The following MMP16 variants were observed in gnomAD, a reference collection of about 807,000 sequenced individuals.
The protein encoded by MMP16 is matrix metallopeptidase 16, also known as matrix metalloproteinase-16.
A neutral mutation model predicts 67.8 loss-of-function variants in MMP16; 12 were observed. The observed-to-expected ratio is 0.18, with a 90% confidence interval of 0.11 to 0.29. The LOEUF (loss-of-function observed/expected upper bound fraction) is 0.29, where lower values mean the gene tolerates loss of function less well. MMP16 is among the 10% of genes least tolerant of loss of function. MMP16 has a pLI of 1.00. For synonymous variants in MMP16, 249 were observed against 255.9 expected (o/e 0.97, Z 0.26); for missense variants, 475 against 765.7 (o/e 0.62, Z 4.48).
chr8:88,204,130 T>C (rs1809388831), intron 1 of MMP16, among the ~76,000 whole-genome samples: 2 of 152,200 alleles, frequency 1.3e-5, no homozygotes, highest in African/African-American at 4.8e-5. Context: ...GAATTTTCCA[T>C]CTGTAAAATA....
chr8:88,168,457 G>A (rs569760531), intron 3 of MMP16, among the ~76,000 whole-genome samples: 4 of 152,030 alleles, frequency 2.6e-5, no homozygotes, highest in Non-Finnish European at 5.9e-5. Context: ...AATTTGTAAC[G>A]AAATGATCAA....
chr8:88,214,925 C>G (rs1586208674), intron 1 of MMP16, among the ~76,000 whole-genome samples: 1 of 152,156 alleles, frequency 6.6e-6, no homozygotes, highest in East Asian at 1.9e-4. Context: ...AATAAGTGAG[C>G]CTCCTTCAGT....
At chr8:88,168,796 T>C (rs576615356) in intron 3 of MMP16, among the ~76,000 whole-genome samples, 1 of 152,276 alleles carries the variant, frequency 6.6e-6, no homozygotes, top group Non-Finnish European at 1.5e-5. Flanking sequence ...GTAAATTTCA[T>C]AGGAGTCATA....
At chr8:88,105,792 C>A (rs913172965) in intron 6 of MMP16, among the ~76,000 whole-genome samples, 1 of 151,164 alleles carries the variant, frequency 6.6e-6, no homozygotes, top group Admixed American at 6.6e-5. Context: ...ACAGATGCAT[C>A]ATTAAATCTC....
chr8:88,323,757 A>C (rs1021528555), intron 1 of MMP16, among the ~76,000 whole-genome samples: 10 of 151,600 alleles, frequency 6.6e-5, no homozygotes, highest in African/African-American at 2.4e-4. Context: ...TCTGTCTCAA[A>C]TTTCATAACA....
At chr8:88,185,541 C>T (rs946592110) in intron 3 of MMP16, among the ~76,000 whole-genome samples, 1 of 152,088 alleles carries the variant, frequency 6.6e-6, no homozygotes, top group Non-Finnish European at 1.5e-5. Context: ...TTCATTTTAT[C>T]TTTAATCATA....
At chr8:88,092,907 C>A (rs879300344) in intron 6 of MMP16, among the ~76,000 whole-genome samples, 1 of 151,730 alleles carries the variant, frequency 6.6e-6, no homozygotes, top group Non-Finnish European at 1.5e-5. Context: ...GTATCTGTAA[C>A]CCACTCAATT....
chr8:88,078,268 A>C (rs1335576379), intron 6 of MMP16, among the ~76,000 whole-genome samples: 1 of 152,180 alleles, frequency 6.6e-6, no homozygotes, highest in Admixed American at 6.5e-5. Flanking sequence ...TTAAACACCA[A>C]TATTTCACTT....
At chr8:88,042,965 A>G (rs887568862) in intron 9 of MMP16, among the ~76,000 whole-genome samples, 1 of 152,238 alleles carries the variant, frequency 6.6e-6, no homozygotes, top group African/African-American at 2.4e-5. Flanking sequence ...ACTTAAAACT[A>G]TATTTTGGGA....
chr8:88,041,590 T>C lies in MMP16; in HGVS notation c.1695A>G (p.Ile565Met). Reference protein sequence around the residue: ...LDNTASTVKAIAIVIPCILAL... With the variant: ...LDNTASTVKAMAIVIPCILAL... ...CCAAGATGCAGGGAATGACAATAGC[T>C]ATGGCTTTCACAGTGCTGGCTGTGT... The change falls in exon 10 of 10, where the codon ATA becomes ATG. Residue 565 changes from isoleucine to methionine, a missense_variant. Physicochemically the swap from Ile to Met is conservative, Grantham distance 10. This residue lies in a region of MMP16 where 80 missense variants were observed against 93.4 expected (regional missense o/e 0.86). Transcript: ENST00000286614. The surrounding 1 kb of genome is among the most constrained non-coding windows in gnomAD (Gnocchi z 6.0). 1 of 1,614,160 alleles carries C rather than the reference T, an allele frequency of 6.2e-7. No individual in the cohort carries two copies.
intron 8 of MMP16, among the ~76,000 whole-genome samples, chr8:88,050,238 G>A (rs1376975289): frequency 1.3e-5 from 2 of 151,750 alleles, no homozygotes; most frequent in African/African-American, 2.4e-5. Context: ...CAGGAGAATC[G>A]CTTGAACCCA....
intron 4 of MMP16, among the ~76,000 whole-genome samples, chr8:88,163,927 T>C (rs1808671657): frequency 6.6e-6 from 1 of 152,128 alleles, no homozygotes; most frequent in Admixed American, 6.6e-5. Flanking sequence ...TTATTTGTAT[T>C]AGGGTTGTGT....
chr8:88,061,643 A>G (rs1808401715), intron 7 of MMP16, among the ~76,000 whole-genome samples: 1 of 152,094 alleles, frequency 6.6e-6, no homozygotes, highest in Admixed American at 6.6e-5. Flanking sequence ...ACAGAAGCTT[A>G]GTTTATATGT....
At chr8:88,165,199 A>G (rs1478546706) in intron 4 of MMP16, among the ~76,000 whole-genome samples, 2 of 134,608 alleles carry the variant, frequency 1.5e-5, no homozygotes, top group South Asian at 2.4e-4. Flanking sequence ...AAAAAAAAAA[A>G]GAAAGAAAGA....
rs760479203 is a variant in MMP16 at position 88,056,112 on chromosome 8, AG to A, written c.1373+15del. 1 of 1,454,778 alleles carries A rather than the reference AG, an allele frequency of 6.9e-7. No individual in the cohort carries two copies. The highest frequency in any genetic ancestry group is 1.6e-5 in the South Asian group (1 of 63,774). The allele number at this position is 1,454,778 out of a possible 1,614,324, so 90.1% of individuals were successfully genotyped here. ...TGGTTAATTAACTGTTTTTCTCATG[AG>A]AAGTGTATACTGACCTGTCTCCCTT... On this transcript the variant is annotated intron_variant, in intron 8 of 9. Transcript: ENST00000286614.
At chr8:88,177,711 A>G (rs1462948128) in intron 3 of MMP16, among the ~76,000 whole-genome samples, 1 of 152,218 alleles carries the variant, frequency 6.6e-6, no homozygotes, top group Admixed American at 6.5e-5. Context: ...TAGCTTAAAG[A>G]TAATTAGACA....
At chr8:88,122,079 G>A (rs758564584) in intron 4 of MMP16, among the ~76,000 whole-genome samples, 13 of 152,006 alleles carry the variant, frequency 8.6e-5, no homozygotes, top group African/African-American at 1.4e-4. Flanking sequence ...ATCACTACCC[G>A]GAGTTCTGAA....
chr8:88,244,980 T>G (rs887162869), intron 1 of MMP16, among the ~76,000 whole-genome samples: 1 of 152,128 alleles, frequency 6.6e-6, no homozygotes, highest in African/African-American at 2.4e-5. Context: ...TCTGCACCAA[T>G]ACATAGAAAT....
chr8:88,056,334 A>T, intron 7 of MMP16, 56 bp from the exon 8 acceptor site: 1 of 898,960 alleles, frequency 1.1e-6, no homozygotes, highest in Non-Finnish European at 1.5e-6. Flanking sequence ...TAATTAGAAT[A>T]TATCTATTAA....
Sources: gnomAD v4.1 joint callset for allele counts (sites outside exome capture counted in the v4.1 genomes callset) on GRCh38, gnomAD v4.1.1 for gene constraint, gnomAD v4.1.1 regional missense constraint, Gnocchi (gnomAD v3.1) non-coding constraint, MANE v1.5 for transcripts, NCBI Gene and HGNC (gene_info 2026-07-23, HGNC 2026-07-21) for gene names.